The following ARHGEF7 variants were observed in gnomAD, a reference collection of about 807,000 sequenced individuals.
ARHGEF7 encodes the protein PAK-interacting exchange factor beta.
A neutral mutation model predicts 109.8 loss-of-function variants in ARHGEF7; 33 were observed. The ratio of observed to expected loss-of-function variants is 0.30; its 90% CI spans 0.23 to 0.40. The LOEUF is 0.40. ARHGEF7 is among the 10% of genes least tolerant of loss of function. The probability of loss-of-function intolerance (pLI) is 1.00; values close to 1 mark genes in which losing one functional copy is unlikely to be tolerated. For synonymous variants in ARHGEF7, 458 were observed against 424.6 expected, an observed-to-expected ratio of 1.08 and a Z score of -0.97; for missense variants, 938 against 1,098.5, an observed-to-expected ratio of 0.85 and a Z score of 2.07.
At chr13:111,253,851 C>T (rs80322507) in intron 8 of ARHGEF7, among the ~76,000 whole-genome samples, 34 of 152,350 alleles carry the variant, frequency 2.2e-4, no homozygotes, top group Non-Finnish European at 3.5e-4. Flanking sequence ...GATGACCTCT[C>T]GCAACCCAGT....
At chr13:111,268,245 A>G (rs2091836894) in intron 9 of ARHGEF7, among the ~76,000 whole-genome samples, 1 of 152,132 alleles carries the variant, frequency 6.6e-6, no homozygotes, top group African/African-American at 2.4e-5. Context: ...GTCATTAGTG[A>G]GTGTTAAGAA....
chr13:111,150,052 T>C (rs954629756), intron 1 of ARHGEF7, among the ~76,000 whole-genome samples: 1 of 152,158 alleles, frequency 6.6e-6, no homozygotes, highest in Non-Finnish European at 1.5e-5. Context: ...GAGCAGCACA[T>C]TGTGATCTGG....
intron 1 of ARHGEF7, among the ~76,000 whole-genome samples, chr13:111,125,808 A>G (rs2067519464): frequency 6.6e-6 from 1 of 152,246 alleles, no homozygotes; most frequent in Non-Finnish European, 1.5e-5. Context: ...GTCTTTTGTT[A>G]GGAATACAGA....
chr13:111,123,872 C>CA (rs1190387454), intron 1 of ARHGEF7, among the ~76,000 whole-genome samples: 1 of 139,586 alleles, frequency 7.2e-6, no homozygotes, highest in East Asian at 2.1e-4. Context: ...GCCCCCCCCC[C>CA]CCGGCCCCGC....
intron 5 of ARHGEF7, among the ~76,000 whole-genome samples, chr13:111,232,276 A>C (rs957292569): frequency 6.6e-6 from 1 of 152,074 alleles, no homozygotes; most frequent in East Asian, 1.9e-4. Context: ...GACGCCATAC[A>C]CTGTCTGCAG....
intron 2 of ARHGEF7, 58 bp downstream of exon 2, chr13:111,154,049 G>T: frequency 6.6e-7 from 1 of 1,507,528 alleles, no homozygotes; most frequent in Non-Finnish European, 8.9e-7. Flanking sequence ...TTGGGCCCGG[G>T]GTGGGTGCTT....
At chr13:111,286,502 C>T (rs1328728386) in intron 17 of ARHGEF7, among the ~76,000 whole-genome samples, 1 of 152,274 alleles carries the variant, frequency 6.6e-6, no homozygotes, top group Non-Finnish European at 1.5e-5. Context: ...GAGCTGGGGC[C>T]GGACCTGGAG....
chr13:111,277,769 T>C (rs1316490340), intron 13 of ARHGEF7, 96 bp downstream of exon 13: 34 of 829,302 alleles, frequency 4.1e-5, no homozygotes, highest in Middle Eastern at 3.2e-4. Flanking sequence ...TATCTATCTG[T>C]GTATGTGCTG....
chr13:111,155,975 C>T (rs2076290757), intron 2 of ARHGEF7, among the ~76,000 whole-genome samples: 1 of 151,370 alleles, frequency 6.6e-6, no homozygotes, highest in African/African-American at 2.4e-5. Flanking sequence ...GTTCCAGTTA[C>T]TCAGGTGGCT....
At chr13:111,161,454 C>T (rs560747572) in intron 2 of ARHGEF7, among the ~76,000 whole-genome samples, 12 of 152,326 alleles carry the variant, frequency 7.9e-5, no homozygotes, top group East Asian at 3.9e-4. Flanking sequence ...GGGTGTCACA[C>T]GTGCTTGCCC....
At chr13:111,292,767 A>G (rs186501204) in intron 19 of ARHGEF7, 4 of 1,005,070 alleles carry the variant, frequency 4.0e-6, no homozygotes, top group East Asian at 2.0e-4. Flanking sequence ...TTTAAGTGCT[A>G]TGAACACTGA....
At chr13:111,214,515 C>G (rs1320562065) in intron 4 of ARHGEF7, among the ~76,000 whole-genome samples, 1 of 152,210 alleles carries the variant, frequency 6.6e-6, no homozygotes, top group African/African-American at 2.4e-5. Context: ...AGCATGGTCG[C>G]GATCACAGCA....
intron 8 of ARHGEF7, chr13:111,265,784 G>A (rs1039769618): frequency 4.4e-6 from 2 of 453,238 alleles, no homozygotes; most frequent in African/African-American, 2.0e-5. Flanking sequence ...TAACAGCTGT[G>A]AGGGAGCTGT....
intron 17 of ARHGEF7, among the ~76,000 whole-genome samples, chr13:111,288,144 G>A (rs2093106705): frequency 6.6e-6 from 1 of 152,130 alleles, no homozygotes. Flanking sequence ...TTTTCCAAAT[G>A]TGTTGCAAAT....
intron 1 of ARHGEF7, among the ~76,000 whole-genome samples, chr13:111,144,930 C>G (rs1340515215): frequency 6.6e-6 from 1 of 152,198 alleles, no homozygotes; most frequent in Non-Finnish European, 1.5e-5. Flanking sequence ...CCCTTGTCCT[C>G]CATGCCCAAT....
At chr13:111,280,781 A>G (rs1804399385) in intron 15 of ARHGEF7, 104 bp downstream of exon 15, 18 of 1,298,250 alleles carry the variant, frequency 1.4e-5, no homozygotes, top group Non-Finnish European at 1.8e-5. Flanking sequence ...CAATATTTGG[A>G]TAAAAAGTGC....
Position 111,290,958 on chromosome 13 carries a change from A to G in ARHGEF7, c.2135-1160A>G, listed in dbSNP as rs560685309. ...GCTTAGTAAAACGGGTTTTAGAAGG[A>G]TAATATATTTTACCTAAAATGCAGC... On this transcript the variant is annotated intron_variant, in intron 18 of 21. Coordinates refer to ENST00000646102, the MANE Select transcript of ARHGEF7 (RefSeq NM_001354046.2). 5.3e-5 allele frequency among the ~76,000 whole-genome samples: 8 copies of G among 152,364 alleles called. No individual in the cohort carries two copies. The South Asian group carries it at 1.7e-3, about 32-fold the overall frequency.
intron 1 of ARHGEF7, among the ~76,000 whole-genome samples, chr13:111,137,629 C>A (rs1366826378): frequency 1.3e-5 from 2 of 152,010 alleles, no homozygotes; most frequent in African/African-American, 4.8e-5. Context: ...TGGAAGGGGA[C>A]TCGGAAATTT....
Position 111,283,331 on chromosome 13 carries a change from C to G in ARHGEF7, c.1918C>G (p.Leu640Val). Reference sequence around the variant, plus strand: ...GAGCTGCCTGCGGCCCGCGCCTCCCCTCCGGCCCTCAGCTGCTCTCTGCTA... The same window carrying G: ...GAGCTGCCTGCGGCCCGCGCCTCCCGTCCGGCCCTCAGCTGCTCTCTGCTA... ...SLSCLRPAPP[L>V]RPSAALCYKE... Residue 640 changes from leucine (L) to valine (V), a missense_variant, in exon 16 of 22, where the codon CTC becomes GTC. By Grantham distance (32) the Leu-to-Val change is conservative. Transcript: ENST00000646102. The G allele has an allele frequency of 6.4e-7, 1 of 1,555,324 alleles. No individual in the cohort carries two copies. Among genetic ancestry groups the G allele is most frequent in the Non-Finnish European group, 8.7e-7 (1 of 1,154,216 alleles).
Sources: gnomAD v4.1 joint callset for allele counts (sites outside exome capture counted in the v4.1 genomes callset) on GRCh38, gnomAD v4.1.1 for gene constraint, MANE v1.5 for transcripts, NCBI Gene and HGNC (gene_info 2026-07-23, HGNC 2026-07-21) for gene names.